The following KRT40 variants were observed in gnomAD, a reference collection of about 807,000 sequenced individuals.
KRT40 encodes keratin 40, also known as keratin, type I cytoskeletal 40.
In KRT40, 47 loss-of-function variants were observed where a neutral mutation model predicts 43.5. The ratio of observed to expected loss-of-function variants is 1.08; its 90% CI spans 0.86 to 1.38. The LOEUF (loss-of-function observed/expected upper bound fraction) is 1.38. Among genes scored for constraint, KRT40 ranks in the 40% most tolerant of loss-of-function variants. The pLI, the probability that KRT40 is intolerant of heterozygous loss-of-function variation, is 0.00. For missense variants in KRT40, 573 were observed against 523.6 expected (o/e 1.09, Z -0.92); for synonymous variants, 212 against 214.0 (o/e 0.99, Z 0.08).
upstream of KRT40, among the ~76,000 whole-genome samples, chr17:40,984,772 A>T (rs1912388919): frequency 6.6e-6 from 1 of 152,196 alleles, no homozygotes; most frequent in African/African-American, 2.4e-5. Context: ...AAAAATGGTC[A>T]GTGTGATTAG....
chr17:40,984,417 G>C, upstream of KRT40: 1 of 622,516 alleles, frequency 1.6e-6, no homozygotes, highest in Non-Finnish European at 2.8e-6. Context: ...GATGGTGCCA[G>C]TTTTCGTACA....
rs372515065 is a variant in KRT40, at chr17:40,978,156, A to G, written c.*41T>C. 152 of 1,466,658 alleles carry G rather than the reference A, an allele frequency of 1.0e-4. No individual in the cohort carries two copies. The African/African-American group carries it at 1.9e-3, about 19-fold the overall frequency. 90.9% of individuals were successfully genotyped at this position (1,466,658 alleles called of 1,614,324 possible). ...GTTGAAGCCCCATCTCCTTTCTAGG[A>G]TGCTGCTGGCTTTGATTCCTCTACC... is the stretch of plus-strand genomic sequence containing the variant. On this transcript the variant is annotated 3_prime_UTR_variant, in exon 7 of 7. Coordinates refer to ENST00000377755, the MANE Select transcript of KRT40 (RefSeq NM_001389244.1).
intron 4 of KRT40, 38 bp from the exon 5 acceptor site, chr17:40,980,948 A>C (rs371441684): frequency 4.3e-6 from 7 of 1,614,188 alleles, no homozygotes; most frequent in Non-Finnish European, 5.9e-6. Flanking sequence ...CAAAAAAGGC[A>C]GAAGTCTGTA....
intron 3 of KRT40, 21 bp from the exon 4 acceptor site, chr17:40,981,172 A>C (rs1029784145): frequency 6.2e-7 from 1 of 1,612,018 alleles, no homozygotes; most frequent in Admixed American, 1.7e-5. Flanking sequence ...GATGGTGTAA[A>C]GAATGTCACA....
chr17:40,984,442 GTTGT>G, upstream of KRT40: 1 of 600,760 alleles, frequency 1.7e-6, no homozygotes, highest in Non-Finnish European at 2.9e-6. Flanking sequence ...TCTCATTAGA[GTTGT>G]TTATTTACTG....
rs1240402887 is a variant in KRT40 at position 40,983,954 on chromosome 17, A to G, written c.320T>C (p.Val107Ala). 1 of 1,614,054 alleles carries G rather than the reference A, an allele frequency of 6.2e-7. No individual in the cohort carries two copies. Among genetic ancestry groups the G allele is most frequent in the Admixed American group, 1.7e-5 (1 of 60,006 alleles). ...NDRLASYLEK[V>A]RSLEETNAEL... The stretch of plus-strand genomic sequence containing the variant: ...TGCGTTGGTCTCCTCCAGGCTGCGC[A>G]CCTTCTCCAGATAGCTGGCGAGTCT... Residue 107 changes from valine to alanine, a missense_variant, in exon 1 of 7, where the codon GTG (valine) becomes GCG (alanine). Val to Ala is a moderately conservative substitution (Grantham distance 64). Coordinates refer to ENST00000377755, the MANE Select transcript of KRT40 (RefSeq NM_001389244.1).
chr17:40,984,741 ATTTG>A (rs1315387500), upstream of KRT40, among the ~76,000 whole-genome samples: 1 of 152,110 alleles, frequency 6.6e-6, no homozygotes, highest in Non-Finnish European at 1.5e-5. Context: ...AATGACAATT[ATTTG>A]TTTGTGCCAC....
chr17:40,982,446 G>C lies in KRT40; in HGVS notation c.548C>G (p.Ser183Cys), dbSNP rs768542596. ...DFKSKYESEL[S>C]LRQLLEADIS... ...GTCAGCCTCTAACAGCTGGCGAAGG[G>C]ACAGTTCACTCTCGTACCTTTCACA... Residue 183 changes from serine to cysteine, a missense_variant, in exon 3 of 7, where the codon TCC becomes TGC. By Grantham distance (112) the Ser-to-Cys change is moderately radical. Coordinates refer to ENST00000377755, the MANE Select transcript of KRT40 (RefSeq NM_001389244.1). 1.2e-6 allele frequency: 2 copies of C among 1,601,722 alleles called. No individual in the cohort carries two copies. Among genetic ancestry groups the C allele is most frequent in the South Asian group, 1.1e-5 (1 of 89,116 alleles).
At chr17:40,981,346 T>C (rs777170658) in intron 3 of KRT40, 195 bp from the exon 4 acceptor site, 4 of 1,028,460 alleles carry the variant, frequency 3.9e-6, no homozygotes, top group Non-Finnish European at 5.8e-6. Context: ...ACATAATAAT[T>C]GGACATTTTT....
rs763256055 is a variant in KRT40 at position 40,983,061 on chromosome 17, T to C, written c.515A>G (p.Asp172Gly). ...VQLDNCKLAT[D>G]DFKSKYESEL... The stretch of plus-strand genomic sequence containing the variant: ...TTAAACTTACTTTGACTTAAAGTCA[T>C]CAGTGGCCAGTTTGCAGTTGTCAAG... Residue 172 changes from aspartate (D) to glycine (G), a missense_variant, in exon 2 of 7, where the codon GAT (aspartate) becomes GGT (glycine). Asp to Gly is a moderately conservative substitution (Grantham distance 94). Coordinates refer to ENST00000377755, the MANE Select transcript of KRT40 (RefSeq NM_001389244.1). 1.1e-5 allele frequency: 15 copies of C among 1,392,718 alleles called. No homozygotes were observed. The African/African-American group carries it at 1.7e-4, about 16-fold the overall frequency. The allele number at this position is 1,392,718 out of a possible 1,614,324, so 86.3% of individuals were successfully genotyped here.
Position 40,984,038 on chromosome 17 carries a change from C to T in KRT40, c.236G>A (p.Trp79Ter). Residue 79 changes from tryptophan (W) to a stop codon, truncating the protein, a stop_gained, in exon 1 of 7, where the codon TGG becomes TAG. Coordinates refer to ENST00000377755, the MANE Select transcript of KRT40 (RefSeq NM_001389244.1). LOFTEE classifies it high-confidence loss of function. ...GCTAGTGAACACCCCATCCTCACAC[C>T]AGGCACAGTTCCCCACCAAGCAGGG... The part of the protein sequence containing the change: ...NSPCLVGNCA[W>*]CEDGVFTSNE... 1 of 1,614,068 alleles carries T rather than the reference C, an allele frequency of 6.2e-7. No individual in the cohort carries two copies. The highest frequency in any genetic ancestry group is 1.1e-5 in the South Asian group (1 of 91,070).
chr17:40,980,966 C>T, intron 4 of KRT40, 24 bp downstream of exon 4: 2 of 1,614,098 alleles, frequency 1.2e-6, no homozygotes, highest in South Asian at 1.1e-5. Context: ...GTAAGCCTGA[C>T]ATTTTTTCAA....
chr17:40,982,463 C>A lies in KRT40; in HGVS notation c.531G>T (p.Lys177Asn). The A allele has an allele frequency of 6.4e-7, 1 of 1,551,438 alleles. No homozygotes were observed. The highest frequency in any genetic ancestry group is 1.3e-5 in the South Asian group (1 of 79,792). ...GGCGAAGGGACAGTTCACTCTCGTA[C>A]CTTTCACAGCAAAAGAGAAATCCAA... is the stretch of plus-strand genomic sequence containing the variant. Reference protein sequence around the residue: ...CKLATDDFKSKYESELSLRQL... With the variant: ...CKLATDDFKSNYESELSLRQL... The change falls in exon 3 of 7, where the codon AAG becomes AAT. Residue 177 changes from lysine (K) to asparagine (N), a missense_variant and splice_region_variant. Physicochemically the swap from Lys to Asn is moderately conservative, Grantham distance 94. Coordinates refer to ENST00000377755, the MANE Select transcript of KRT40 (RefSeq NM_001389244.1).
intron 1 of KRT40, 120 bp downstream of exon 1, chr17:40,983,707 C>T (rs1912303719): frequency 1.0e-6 from 1 of 953,374 alleles, no homozygotes; most frequent in Admixed American, 2.2e-5. Context: ...CCCTATGTAT[C>T]ACTAACTCTT....
At position 40,978,931 on chromosome 17, in the gene KRT40, G is replaced by T. The variant is rs199727792; in HGVS notation, c.1069C>A (p.Gln357Lys). The part of the protein sequence containing the change: ...IQCLIDNLEN[Q>K]LAEIRCDLER... ...AGGTCGCAGCGGATCTCGGCCAGCT[G>T]GTTCTCCAGGTTATCGATCAGACAC... Residue 357 changes from glutamine (Q) to lysine (K), a missense_variant, in exon 6 of 7, where the codon CAG becomes AAG. Gln to Lys is a moderately conservative substitution (Grantham distance 53, BLOSUM62 1). Coordinates refer to ENST00000377755, the MANE Select transcript of KRT40 (RefSeq NM_001389244.1). 25 of 1,614,120 alleles carry T rather than the reference G, an allele frequency of 1.5e-5. No individual in the cohort carries two copies. Among genetic ancestry groups the T allele is most frequent in the Non-Finnish European group, 2.1e-5 (25 of 1,180,008 alleles).
chr17:40,986,863 T>C (rs1200544266), upstream of KRT40: 1 of 152,236 alleles, frequency 6.6e-6, no homozygotes, highest in African/African-American at 2.4e-5. Context: ...CTTCCACTTA[T>C]GGAATGCAAA....
intron 3 of KRT40, among the ~76,000 whole-genome samples, chr17:40,981,830 A>G (rs988947622): frequency 2.6e-5 from 4 of 152,056 alleles, no homozygotes; most frequent in African/African-American, 9.7e-5. Context: ...ACACACTGGA[A>G]TGATCAGGTT....
chr17:40,978,320 C>G (rs142287779), intron 6 of KRT40, 24 bp from the exon 7 acceptor site: 130,293 of 1,557,786 alleles, frequency 0.084, 5,839 homozygotes, highest in South Asian at 0.1. Context: ...GATTTTCAAC[C>G]AAGATTAACA....
intron 5 of KRT40, among the ~76,000 whole-genome samples, chr17:40,980,034 T>C (rs903110920): frequency 6.6e-6 from 1 of 152,118 alleles, no homozygotes; most frequent in Non-Finnish European, 1.5e-5. Context: ...ATATTATATA[T>C]CAATAAAAAT....
Sources: allele counts gnomAD v4.1 joint callset (sites outside exome capture counted in the v4.1 genomes callset), GRCh38; gene constraint gnomAD v4.1.1; transcripts MANE v1.5; gene names NCBI Gene and HGNC (gene_info 2026-07-23, HGNC 2026-07-21).